TMTC2: variants seen among roughly 807,000 people sequenced by gnomAD.
TMTC2 encodes transmembrane O-mannosyltransferase targeting cadherins 2.
Under a neutral mutation model 82.4 loss-of-function variants are expected in TMTC2, and 43 were observed. The ratio of observed to expected loss-of-function variants is 0.52; its 90% CI spans 0.41 to 0.67. TMTC2 has a LOEUF of 0.67. Ranked by LOEUF, TMTC2 falls within the 30% of genes least tolerant of loss-of-function variation. The pLI, the probability that TMTC2 is intolerant of heterozygous loss-of-function variation, is 0.00. For synonymous variants in TMTC2, 408 were observed against 381.9 expected, an observed-to-expected ratio of 1.07 and a Z score of -0.80; for missense variants, 919 against 1,012.4, an observed-to-expected ratio of 0.91 and a Z score of 1.25.
At chr12:82,963,318 A>G (rs1878025256) in intron 4 of TMTC2, among the ~76,000 whole-genome samples, 1 of 152,004 alleles carries the variant, frequency 6.6e-6, no homozygotes, top group African/African-American at 2.4e-5. Context: ...TGATAAAAGC[A>G]GCTGAAGATA....
In TMTC2 at chr12:83,064,074, A is replaced by G. The variant is rs543945156; in HGVS notation, c.2331+2243A>G. Reference sequence around the variant, plus strand: ...CATTAATAGAATGCTGTGAATATACATAATTCATGATAGTTAAATGCAATT... The same window carrying G: ...CATTAATAGAATGCTGTGAATATACGTAATTCATGATAGTTAAATGCAATT... On this transcript the variant is annotated intron_variant, in intron 11 of 11. Coordinates refer to ENST00000321196, the MANE Select transcript of TMTC2 (RefSeq NM_152588.3). Among the ~76,000 whole-genome samples the G allele has an allele frequency of 2.8e-4, 43 of 151,934 alleles. No homozygotes were observed. In the Middle Eastern group the frequency reaches 0.014, roughly 48 times the overall value.
chr12:82,948,227 T>A (rs1877135115), intron 4 of TMTC2, among the ~76,000 whole-genome samples: 1 of 152,106 alleles, frequency 6.6e-6, no homozygotes, highest in Admixed American at 6.5e-5. Flanking sequence ...TAGCCAGGCC[T>A]GGTGGCAAAT....
intron 2 of TMTC2, among the ~76,000 whole-genome samples, chr12:82,879,723 A>G (rs1425121573): frequency 6.6e-6 from 1 of 152,188 alleles, no homozygotes; most frequent in Non-Finnish European, 1.5e-5. Flanking sequence ...GCTTTTTTGT[A>G]AAACACGAAT....
intron 1 of TMTC2, among the ~76,000 whole-genome samples, chr12:82,755,469 A>G (rs142729844): frequency 9.8e-4 from 149 of 152,322 alleles, no homozygotes; most frequent in African/African-American, 3.4e-3. Flanking sequence ...AAATTGTTCA[A>G]ATGAAATTCA....
At chr12:82,776,247 C>T (rs1309591027) in intron 1 of TMTC2, among the ~76,000 whole-genome samples, 2 of 152,040 alleles carry the variant, frequency 1.3e-5, no homozygotes. Flanking sequence ...TGTAATGTAG[C>T]ATGAACTAAA....
chr12:82,846,272 C>T (rs1429873874), intron 1 of TMTC2, among the ~76,000 whole-genome samples: 3 of 152,018 alleles, frequency 2.0e-5, no homozygotes, highest in South Asian at 2.1e-4. Flanking sequence ...GCAGGAGAAT[C>T]GCTTGAACCC....
At chr12:82,792,632 A>AT in intron 1 of TMTC2, among the ~76,000 whole-genome samples, 1 of 151,710 alleles carries the variant, frequency 6.6e-6, no homozygotes, top group East Asian at 1.9e-4. Flanking sequence ...ACACCCAGCT[A>AT]TTTTTTATTT....
In TMTC2 at chr12:82,691,808, A is replaced by G. The variant is rs573472475; in HGVS notation, c.83+4139A>G. Among the ~76,000 whole-genome samples the G allele has an allele frequency of 9.2e-5, 14 of 152,266 alleles. 1 individual carries two copies. The East Asian group carries it at 1.7e-3, about 19-fold the overall frequency. On this transcript the variant is annotated intron_variant, in intron 1 of 11. Coordinates refer to ENST00000321196, the MANE Select transcript of TMTC2 (RefSeq NM_152588.3). ...CATGTTTAGAAAGAATTACTATATA[A>G]TTAAGTAAGGGAGAAGCTCTCTTTG...
rs577879072 is a variant in TMTC2 at position 82,753,144 on chromosome 12, G to A, written c.83+65475G>A. On this transcript the variant is annotated intron_variant, in intron 1 of 11. Transcript: ENST00000321196. ...TTCAGGCAGATACCAGATATATGAG[G>A]CGGTCCTTTCAGCTGCTCATCTTTT... 5.3e-5 allele frequency among the ~76,000 whole-genome samples: 8 copies of A among 152,148 alleles called. No homozygotes were observed. In the East Asian group the frequency reaches 5.8e-4, roughly 11 times the overall value.
chr12:82,752,486 A>AAAAAC (rs1010150392), intron 1 of TMTC2, among the ~76,000 whole-genome samples: 7 of 152,060 alleles, frequency 4.6e-5, no homozygotes, highest in African/African-American at 4.8e-5. Context: ...ACTCCATCTC[A>AAAAAC]AAAACAAAAC....
intron 1 of TMTC2, among the ~76,000 whole-genome samples, chr12:82,789,608 T>G (rs895803604): frequency 6.6e-6 from 1 of 152,186 alleles, no homozygotes; most frequent in African/African-American, 2.4e-5. Flanking sequence ...CAAACAATTC[T>G]GATTCATGTT....
intron 8 of TMTC2, among the ~76,000 whole-genome samples, chr12:83,007,010 C>T (rs1880235253): frequency 6.6e-6 from 1 of 151,958 alleles, no homozygotes; most frequent in Admixed American, 6.6e-5. Context: ...ATGGGTGCTG[C>T]AAACCACCAT....
intron 1 of TMTC2, among the ~76,000 whole-genome samples, chr12:82,781,176 A>G (rs1203031110): frequency 1.3e-5 from 2 of 152,122 alleles, no homozygotes; most frequent in Non-Finnish European, 2.9e-5. Flanking sequence ...AAAATAGGAC[A>G]CGAGAGTATC....
At chr12:82,753,702 G>T (rs567203437) in intron 1 of TMTC2, among the ~76,000 whole-genome samples, 1 of 152,262 alleles carries the variant, frequency 6.6e-6, no homozygotes, top group African/African-American at 2.4e-5. Flanking sequence ...ATTGCCAAAG[G>T]CACAGTTAAA....
chr12:82,979,706 A>G (rs1878837822), intron 7 of TMTC2, among the ~76,000 whole-genome samples: 1 of 151,678 alleles, frequency 6.6e-6, no homozygotes, highest in Non-Finnish European at 1.5e-5. Context: ...GTACTTTCAA[A>G]TGATTTCTTA....
chr12:82,799,147 A>G (rs1878873144), intron 1 of TMTC2, among the ~76,000 whole-genome samples: 1 of 152,160 alleles, frequency 6.6e-6, no homozygotes, highest in Admixed American at 6.5e-5. Context: ...TTTATGTAGA[A>G]TTCTTATGCT....
chr12:82,787,152 A>C (rs995921962), intron 1 of TMTC2, among the ~76,000 whole-genome samples: 2 of 152,134 alleles, frequency 1.3e-5, no homozygotes, highest in East Asian at 3.8e-4. Context: ...TATTTTCACT[A>C]TCTACTAGAC....
intron 3 of TMTC2, among the ~76,000 whole-genome samples, chr12:82,912,105 C>T (rs1352492270): frequency 6.6e-6 from 1 of 152,152 alleles, no homozygotes; most frequent in Non-Finnish European, 1.5e-5. Context: ...TTGCAAAACA[C>T]ATAAGATATT....
chr12:83,024,452 T>C (rs1429193794), intron 8 of TMTC2, among the ~76,000 whole-genome samples: 1 of 152,158 alleles, frequency 6.6e-6, no homozygotes, highest in Non-Finnish European at 1.5e-5. Context: ...AACATTTGAA[T>C]GTGAAATGAA....
Sources: gnomAD v4.1 joint callset for allele counts (sites outside exome capture counted in the v4.1 genomes callset) on GRCh38, gnomAD v4.1.1 for gene constraint, MANE v1.5 for transcripts, NCBI Gene and HGNC (gene_info 2026-07-23, HGNC 2026-07-21) for gene names.